NANOGNB: variants seen among roughly 807,000 people sequenced by gnomAD.
NANOGNB encodes NANOG neighbor homeobox.
A neutral mutation model predicts 25.0 loss-of-function variants in NANOGNB; 30 were observed. The observed-to-expected ratio is 1.20, with a 90% CI of 0.90 to 1.63. The LOEUF (loss-of-function observed/expected upper bound fraction) is 1.63, where lower values mean the gene tolerates loss of function less well. Among genes scored for constraint, NANOGNB ranks in the 40% most tolerant of loss-of-function variants. The probability of loss-of-function intolerance (pLI) is 0.00; values close to 1 mark genes in which losing one functional copy is unlikely to be tolerated. For missense variants in NANOGNB, 200 were observed against 188.1 expected (o/e 1.06, Z -0.37); for synonymous variants, 84 against 62.1 (o/e 1.35, Z -1.66).
At chr12:7,766,053 A>C (rs1279102461) in intron 1 of NANOGNB, 1 of 398,416 alleles carries the variant, frequency 2.5e-6, no homozygotes, top group East Asian at 3.6e-5. Flanking sequence ...GAAAGCTTTG[A>C]AAGAGCAGCC....
chr12:7,772,418 C>G lies in NANOGNB; in HGVS notation c.516-1382C>G, dbSNP rs146457149. On this transcript the variant is annotated intron_variant, in intron 3 of 3. Coordinates refer to ENST00000382119, the MANE Select transcript of NANOGNB (RefSeq NM_001145465.1). ...CCAGCCTCCTGAGTAGCTGGGACTA[C>G]AGGTGCCCGCCACCACGCCCAGCTA... Among the ~76,000 whole-genome samples the G allele has an allele frequency of 1.1e-3, 163 of 151,964 alleles. 4 individuals carry two copies. The East Asian group carries it at 0.03, about 28-fold the overall frequency.
At chr12:7,766,200 G>T in intron 1 of NANOGNB, 1 of 398,748 alleles carries the variant, frequency 2.5e-6, no homozygotes, top group Non-Finnish European at 4.4e-6. Context: ...GCCAGGCACA[G>T]TGGCTCACAC....
At chr12:7,769,956 T>C in intron 1 of NANOGNB, 27 bp from the exon 2 acceptor site, 1 of 1,466,800 alleles carries the variant, frequency 6.8e-7, no homozygotes, top group Non-Finnish European at 9.0e-7. Context: ...TGCAGCTTGA[T>C]TTTATTCCAC....
chr12:7,773,701 G>C, intron 3 of NANOGNB, 99 bp from the exon 4 acceptor site: 1 of 505,282 alleles, frequency 2.0e-6, no homozygotes, highest in Non-Finnish European at 3.4e-6. Flanking sequence ...CTCCAGCTTG[G>C]GTGACAAGAG....
Position 7,770,285 on chromosome 12 carries a change from G to A in NANOGNB, c.405G>A (p.Leu135=), listed in dbSNP as rs1463286081. 5.9e-6 allele frequency: 9 copies of A among 1,531,784 alleles called. No homozygotes were observed. In the African/African-American group the frequency reaches 1.3e-4, roughly 21 times the overall value. 94.9% of individuals were successfully genotyped at this position (1,531,784 alleles called of 1,614,324 possible). The change falls in exon 2 of 4, where the codon CTG becomes CTA. Residue 135 remains leucine, a synonymous_variant. Coordinates refer to ENST00000382119, the MANE Select transcript of NANOGNB (RefSeq NM_001145465.1). The part of the protein sequence containing the change: ...RCPTIQESLS[L]SFEFDMTHKQ... ...CCACTATACAAGAGAGTCTATCACT[G>A]TCATTTGAATTTGACATGACACATA... is the stretch of plus-strand genomic sequence containing the variant.
chr12:7,771,174 G>A (rs994783977), intron 3 of NANOGNB, among the ~76,000 whole-genome samples: 8 of 152,202 alleles, frequency 5.3e-5, no homozygotes, highest in African/African-American at 1.9e-4. Flanking sequence ...AAAAGCTCAT[G>A]TGATTTTTGG....
chr12:7,765,765 C>A (rs916506406), intron 1 of NANOGNB, among the ~76,000 whole-genome samples: 9 of 151,806 alleles, frequency 5.9e-5, no homozygotes, highest in African/African-American at 2.2e-4. Flanking sequence ...GGTCAGCGTT[C>A]AGTGAAGGGA....
chr12:7,765,424 G>T (rs1282452588), intron 1 of NANOGNB, 37 bp downstream of exon 1: 2 of 363,316 alleles, frequency 5.5e-6, no homozygotes, highest in Admixed American at 3.8e-5. Context: ...CAAAAAATTA[G>T]CTGGGCGTGG....
chr12:7,773,884 T>C lies in NANOGNB; in HGVS notation c.*33T>C. On this transcript the variant is annotated 3_prime_UTR_variant, in exon 4 of 4. Coordinates refer to ENST00000382119, the MANE Select transcript of NANOGNB (RefSeq NM_001145465.1). ...ATTTTGGCCTCCAGAAATGCTGTGA[T>C]TACAAGCATGAGCCATCGCACTGGC... 1.6e-6 allele frequency: 1 copy of C among 634,110 alleles called. No individual in the cohort carries two copies. 39.3% of individuals were successfully genotyped at this position (634,110 alleles called of 1,614,324 possible).
At position 7,765,271 on chromosome 12, in the gene NANOGNB, C is replaced by T. The variant is rs1452111469; in HGVS notation, c.-15C>T. The T allele has an allele frequency of 2.3e-6, 3 of 1,287,334 alleles. No homozygotes were observed. In the South Asian group the frequency reaches 3.7e-5, roughly 16 times the overall value. The allele number at this position is 1,287,334 out of a possible 1,614,324, so 79.7% of individuals were successfully genotyped here. A position where few individuals can be genotyped will look rare whatever the true frequency, so the allele number is the denominator to read the frequency against. On this transcript the variant is annotated 5_prime_UTR_variant, in exon 1 of 4. Transcript: ENST00000382119. ...ACCTCCCTACCAAGGACTAATTGGT[C>T]TTTAAAACTCCTCAATGCACCGGGC... is the stretch of plus-strand genomic sequence containing the variant.
rs775855759 is a variant in NANOGNB, at chr12:7,765,292, C to T, written c.7C>T (p.Arg3Trp). Reference protein sequence around the residue: MHRARWLTPVIPA... With the variant: MHWARWLTPVIPA... ...TGGTCTTTAAAACTCCTCAATGCAC[C>T]GGGCGCGGTGGCTCACGCCTGTAAT... The change falls in exon 1 of 4, where the codon CGG becomes TGG. Residue 3 changes from arginine (R) to tryptophan (W), a missense_variant. Transcript: ENST00000382119. 12 of 1,280,506 alleles carry T rather than the reference C, an allele frequency of 9.4e-6. No individual in the cohort carries two copies. Among genetic ancestry groups the T allele is most frequent in the Non-Finnish European group, 8.2e-6 (8 of 981,482 alleles). 79.3% of individuals were successfully genotyped at this position (1,280,506 alleles called of 1,614,324 possible). A position where few individuals can be genotyped will look rare whatever the true frequency, so the allele number is the denominator to read the frequency against.
intron 3 of NANOGNB, among the ~76,000 whole-genome samples, chr12:7,771,827 G>A (rs887670674): frequency 6.6e-6 from 1 of 151,714 alleles, no homozygotes; most frequent in Non-Finnish European, 1.5e-5. Context: ...CACCATGTTG[G>A]CCAGGCTGGT....
chr12:7,765,569 C>CAAAAAAAAAAAAAAAAAAAAAAAAAAAA (rs1187331161), intron 1 of NANOGNB, among the ~76,000 whole-genome samples, 182 bp downstream of exon 1: 8 of 48,670 alleles, frequency 1.6e-4, no homozygotes, highest in South Asian at 7.7e-4. Context: ...GACTCCGTCT[C>CAAAAAAAAAAAAAAAAAAAAAAAAAAAA]AAAAAAAAAA....
chr12:7,773,546 CA>C (rs869038102), intron 3 of NANOGNB, among the ~76,000 whole-genome samples: 599 of 15,314 alleles, frequency 0.039, no homozygotes, highest in East Asian at 0.072. Flanking sequence ...ACTAAAAATA[CA>C]AAAAAAAAAA....
chr12:7,766,873 C>T lies in NANOGNB; in HGVS notation c.102+1486C>T, dbSNP rs144728167. On this transcript the variant is annotated intron_variant, in intron 1 of 3. Transcript: ENST00000382119. ...TTGTTTGTTTTGAGACTGAGTTTTG[C>T]TCTGTTGCCCAGGCTGGAGCACAGT... is the stretch of plus-strand genomic sequence containing the variant. 6.6e-5 allele frequency among the ~76,000 whole-genome samples: 10 copies of T among 151,426 alleles called. No individual in the cohort carries two copies. The East Asian group carries it at 2.0e-3, about 30-fold the overall frequency.
Position 7,770,449 on chromosome 12 carries a change from G to C in NANOGNB, c.446G>C (p.Trp149Ser). The stretch of plus-strand genomic sequence containing the variant: ...CTCATTTTTTTGTAGATAAGTCAAT[G>C]GTTTTGTAAAACGAGGAAGAAATAT... ...FDMTHKQISQ[W>S]FCKTRKKYNK... Residue 149 changes from tryptophan to serine, a missense_variant, in exon 3 of 4, where the codon TGG becomes TCG. Trp to Ser is a radical substitution (Grantham distance 177). Coordinates refer to ENST00000382119, the MANE Select transcript of NANOGNB (RefSeq NM_001145465.1). The C allele has an allele frequency of 1.3e-6, 2 of 1,537,938 alleles. No individual in the cohort carries two copies. Among genetic ancestry groups the C allele is most frequent in the Non-Finnish European group, 1.8e-6 (2 of 1,136,932 alleles).
intron 3 of NANOGNB, among the ~76,000 whole-genome samples, chr12:7,771,697 T>C (rs1004833981): frequency 6.6e-6 from 1 of 152,058 alleles, no homozygotes. Flanking sequence ...CTCTGCTCAC[T>C]GCAACCTCTA....
At position 7,770,527 on chromosome 12, in the gene NANOGNB, G is replaced by T; in HGVS notation, c.515+9G>T. The T allele has an allele frequency of 7.0e-7, 1 of 1,424,974 alleles. No homozygotes were observed. The highest frequency in any genetic ancestry group is 1.3e-5 in the South Asian group (1 of 77,418). 88.3% of individuals were successfully genotyped at this position (1,424,974 alleles called of 1,614,324 possible). A position where few individuals can be genotyped will look rare whatever the true frequency, so the allele number is the denominator to read the frequency against. ...AAGAAAAAACATATGAGGTAAGAAA[G>T]TGTTTCTTGTAAAATAAAAGGAAGT... On this transcript the variant is annotated intron_variant, in intron 3 of 3. Coordinates refer to ENST00000382119, the MANE Select transcript of NANOGNB (RefSeq NM_001145465.1).
chr12:7,773,455 C>T (rs1243069224), intron 3 of NANOGNB, among the ~76,000 whole-genome samples: 1 of 145,988 alleles, frequency 6.8e-6, no homozygotes, highest in Non-Finnish European at 1.5e-5. Flanking sequence ...AATCCCAGCA[C>T]TTTGGGAGGC....
Sources: allele counts gnomAD v4.1 joint callset (sites outside exome capture counted in the v4.1 genomes callset), GRCh38; gene constraint gnomAD v4.1.1; transcripts MANE v1.5; gene names NCBI Gene and HGNC (gene_info 2026-07-23, HGNC 2026-07-21).